BMERB1: variants seen among roughly 807,000 people sequenced by gnomAD.
The protein encoded by BMERB1 is bMERB domain-containing protein 1.
In BMERB1, 12 loss-of-function variants were observed where a neutral mutation model predicts 23.6. That is an observed-to-expected ratio of 0.51 (90% CI 0.33 to 0.82). The LOEUF (loss-of-function observed/expected upper bound fraction) is 0.82, where lower values mean the gene tolerates loss of function less well. BMERB1 is among the 40% of genes least tolerant of loss of function. The pLI, the probability that BMERB1 is intolerant of heterozygous loss-of-function variation, is 0.03. For missense variants in BMERB1, 247 were observed against 255.4 expected (o/e 0.97, Z 0.22); for synonymous variants, 122 against 96.6 (o/e 1.26, Z -1.54).
chr16:15,463,889 A>C (rs1286717774), intron 1 of BMERB1, among the ~76,000 whole-genome samples: 1 of 151,904 alleles, frequency 6.6e-6, no homozygotes, highest in Non-Finnish European at 1.5e-5. Context: ...AAAAAAAAAA[A>C]AACTTGAAGC....
At chr16:15,518,926 A>C (rs1216582058) in intron 2 of BMERB1, among the ~76,000 whole-genome samples, 2 of 152,096 alleles carry the variant, frequency 1.3e-5, no homozygotes, top group Non-Finnish European at 2.9e-5. Context: ...TCAAGTTTAT[A>C]AACTCCATGA....
At chr16:15,469,679 T>TCCTC (rs2051212930) in intron 1 of BMERB1, among the ~76,000 whole-genome samples, 1 of 152,202 alleles carries the variant, frequency 6.6e-6, no homozygotes, top group African/African-American at 2.4e-5. Flanking sequence ...ATTCTGTAAA[T>TCCTC]TTCAGCATAC....
intron 2 of BMERB1, among the ~76,000 whole-genome samples, chr16:15,530,945 C>A (rs2051961574): frequency 7.5e-6 from 1 of 132,784 alleles, no homozygotes; most frequent in Non-Finnish European, 1.6e-5. Context: ...CTCGCACTGT[C>A]ACTGGGCTGG....
chr16:15,567,299 G>A (rs1051806665), intron 2 of BMERB1, among the ~76,000 whole-genome samples: 1 of 152,144 alleles, frequency 6.6e-6, no homozygotes, highest in Non-Finnish European at 1.5e-5. Flanking sequence ...AAGGACAGAG[G>A]GAGACTTTCC....
intron 2 of BMERB1, among the ~76,000 whole-genome samples, chr16:15,536,208 GAC>G (rs1453233484): frequency 2.0e-5 from 3 of 152,130 alleles, no homozygotes; most frequent in Non-Finnish European, 4.4e-5. Context: ...GAGGTGATCT[GAC>G]AGAGGGGCCA....
At chr16:15,518,368 C>T (rs2051800580) in intron 2 of BMERB1, among the ~76,000 whole-genome samples, 1 of 152,268 alleles carries the variant, frequency 6.6e-6, no homozygotes, top group Non-Finnish European at 1.5e-5. Context: ...TGGAGTCCTA[C>T]AGACAGTATT....
chr16:15,521,370 G>A (rs1033000968), intron 2 of BMERB1, among the ~76,000 whole-genome samples: 6 of 152,204 alleles, frequency 3.9e-5, no homozygotes, highest in African/African-American at 9.7e-5. Context: ...CCCGGTTCCC[G>A]TAATAACTCT....
chr16:15,543,495 C>A (rs959173891), intron 2 of BMERB1, among the ~76,000 whole-genome samples: 1 of 152,048 alleles, frequency 6.6e-6, no homozygotes, highest in Non-Finnish European at 1.5e-5. Context: ...GCTGCTGATA[C>A]CTGGGGAATT....
intron 5 of BMERB1, among the ~76,000 whole-genome samples, chr16:15,584,438 T>G (rs970117542): frequency 1.3e-5 from 2 of 151,640 alleles, no homozygotes; most frequent in African/African-American, 2.4e-5. Flanking sequence ...GGCGCCTGTA[T>G]TCCCAGCTAC....
chr16:15,524,477 T>C (rs1043692725), intron 2 of BMERB1, among the ~76,000 whole-genome samples: 1 of 151,944 alleles, frequency 6.6e-6, no homozygotes, highest in Non-Finnish European at 1.5e-5. Flanking sequence ...AATGGAGAAA[T>C]ACATGTTAGT....
At chr16:15,562,683 A>T (rs1467883874) in intron 2 of BMERB1, among the ~76,000 whole-genome samples, 2 of 152,062 alleles carry the variant, frequency 1.3e-5, no homozygotes, top group African/African-American at 4.8e-5. Context: ...ATAATAACCA[A>T]ATATGTCTCC....
At chr16:15,501,334 C>T (rs1030697816) in intron 1 of BMERB1, among the ~76,000 whole-genome samples, 35 of 147,520 alleles carry the variant, frequency 2.4e-4, no homozygotes, top group African/African-American at 8.5e-4. Context: ...GTTCTGTCAC[C>T]CAGGCTGGAG....
chr16:15,496,572 T>G (rs113225652), intron 1 of BMERB1, among the ~76,000 whole-genome samples: 1 of 151,552 alleles, frequency 6.6e-6, no homozygotes, highest in Non-Finnish European at 1.5e-5. Context: ...ACAGTCTTGC[T>G]CTGTCACCCA....
chr16:15,444,327 C>T (rs1267747267), intron 1 of BMERB1, among the ~76,000 whole-genome samples: 3 of 151,336 alleles, frequency 2.0e-5, no homozygotes, highest in African/African-American at 4.9e-5. Context: ...TTGTTGTGGG[C>T]GTCTCCTGTG....
At position 15,587,852 on chromosome 16, in the gene BMERB1, C is replaced by T; in HGVS notation, c.*1023C>T. 1 of 209,238 alleles carries T rather than the reference C, an allele frequency of 4.8e-6. No individual in the cohort carries two copies. The highest frequency in any genetic ancestry group is 5.1e-5 in the South Asian group (1 of 19,472). The allele number at this position is 209,238 out of a possible 1,614,324, so 13.0% of individuals were successfully genotyped here. A position where few individuals can be genotyped will look rare whatever the true frequency, so the allele number is the denominator to read the frequency against. ...AGCCAGCCCGGTACAGCCTGTGTGA[C>T]TTCTCTGTATGTGTGTGTGTGTCGT... is the stretch of plus-strand genomic sequence containing the variant. On this transcript the variant is annotated 3_prime_UTR_variant, in exon 6 of 6. Transcript: ENST00000300006.
intron 1 of BMERB1, among the ~76,000 whole-genome samples, chr16:15,480,514 A>G (rs1413481619): frequency 6.6e-6 from 1 of 150,894 alleles, no homozygotes; most frequent in African/African-American, 2.4e-5. Flanking sequence ...ACCTCTTGCC[A>G]TTAGTATGTT....
intron 2 of BMERB1, chr16:15,533,003 C>T: frequency 4.4e-6 from 2 of 455,812 alleles, no homozygotes; most frequent in Middle Eastern, 6.8e-4. Flanking sequence ...CAATCTTGCA[C>T]AAATATCTTA....
At chr16:15,583,032 G>A (rs1173167364) in intron 4 of BMERB1, 124 bp from the exon 5 acceptor site, 33 of 756,174 alleles carry the variant, frequency 4.4e-5, no homozygotes, top group South Asian at 3.1e-4. Context: ...CGCATAACAC[G>A]TGACAACATA....
intron 1 of BMERB1, among the ~76,000 whole-genome samples, chr16:15,482,342 A>C (rs1054554145): frequency 6.6e-6 from 1 of 152,188 alleles, no homozygotes; most frequent in Non-Finnish European, 1.5e-5. Flanking sequence ...TCAGTGTCCT[A>C]AACAGGAAGC....
Sources: allele counts gnomAD v4.1 joint callset (sites outside exome capture counted in the v4.1 genomes callset), GRCh38; gene constraint gnomAD v4.1.1; transcripts MANE v1.5; gene names NCBI Gene and HGNC (gene_info 2026-07-23, HGNC 2026-07-21).